LIMCH1: variants seen among roughly 807,000 people sequenced by gnomAD.
LIMCH1 encodes LIM and calponin homology domains-containing protein 1.
In LIMCH1, 113 loss-of-function variants were observed where a neutral mutation model predicts 176.5. The observed-to-expected ratio is 0.64, with a 90% CI of 0.55 to 0.75. The LOEUF (loss-of-function observed/expected upper bound fraction) is 0.75, where lower values mean the gene tolerates loss of function less well. Among genes scored for constraint, LIMCH1 ranks in the 30% least tolerant of loss-of-function variants. LIMCH1 has a pLI of 0.00. For synonymous variants in LIMCH1, 619 were observed against 645.9 expected, an observed-to-expected ratio of 0.96 and a Z score of 0.63; for missense variants, 1,674 against 1,814.9, an observed-to-expected ratio of 0.92 and a Z score of 1.41.
chr4:41,634,958 T>C (rs1421216712), intron 13 of LIMCH1, among the ~76,000 whole-genome samples: 3 of 152,148 alleles, frequency 2.0e-5, no homozygotes, highest in East Asian at 1.9e-4. Context: ...TAAAGCAAGT[T>C]AGAATGAAAG....
chr4:41,469,665 G>GATAGATTTATTTATTTATTT (rs1554061022), intron 1 of LIMCH1, among the ~76,000 whole-genome samples: 1 of 148,248 alleles, frequency 6.7e-6, no homozygotes, highest in African/African-American at 2.5e-5. Flanking sequence ...CTTGTTTTGA[G>GATAGATTTATTTATTTATTT]ATTTATTTAT....
At chr4:41,477,633 C>T (rs368000381) in intron 1 of LIMCH1, among the ~76,000 whole-genome samples, 43 of 152,282 alleles carry the variant, frequency 2.8e-4, no homozygotes, top group African/African-American at 1.0e-3. Flanking sequence ...ATTAGCAAAA[C>T]TGTGGCTAGA....
In LIMCH1 at chr4:41,558,989, C is replaced by A. The variant is rs1305259230; in HGVS notation, c.-241+20639C>A. Among the ~76,000 whole-genome samples, 4 of 152,104 alleles carry A rather than the reference C, an allele frequency of 2.6e-5. No individual in the cohort carries two copies. The East Asian group carries it at 7.7e-4, about 29-fold the overall frequency. Reference sequence around the variant, plus strand: ...GAAATTTAGCTTTGAGAAACACCTACAGATTTTTGTTTGGTTTTGTATTAT... The same window carrying A: ...GAAATTTAGCTTTGAGAAACACCTAAAGATTTTTGTTTGGTTTTGTATTAT... On this transcript the variant is annotated intron_variant, in intron 1 of 31. Coordinates refer to ENST00000503057, the MANE Select transcript of LIMCH1 (RefSeq NM_001330672.2).
At chr4:41,455,048 A>G (rs1177665798) in intron 1 of LIMCH1, among the ~76,000 whole-genome samples, 1 of 152,084 alleles carries the variant, frequency 6.6e-6, no homozygotes, top group Non-Finnish European at 1.5e-5. Flanking sequence ...CATGAATACC[A>G]TAGATACAGT....
At chr4:41,433,375 GA>G (rs1385610946) in intron 1 of LIMCH1, among the ~76,000 whole-genome samples, 2 of 152,138 alleles carry the variant, frequency 1.3e-5, no homozygotes, top group African/African-American at 4.8e-5. Context: ...TGCTGTATAA[GA>G]AATGACTCCA....
At chr4:41,417,010 T>C (rs978948312) in intron 1 of LIMCH1, among the ~76,000 whole-genome samples, 2 of 152,222 alleles carry the variant, frequency 1.3e-5, no homozygotes, top group African/African-American at 4.8e-5. Flanking sequence ...TGGTCATTTC[T>C]AAGACTTTTT....
intron 1 of LIMCH1, among the ~76,000 whole-genome samples, chr4:41,440,608 C>G (rs2062596670): frequency 6.6e-6 from 1 of 152,198 alleles, no homozygotes; most frequent in Non-Finnish European, 1.5e-5. Flanking sequence ...TCTTGGCTTA[C>G]TGCAACCTCC....
intron 1 of LIMCH1, among the ~76,000 whole-genome samples, chr4:41,574,452 A>C (rs2084116683): frequency 6.6e-6 from 1 of 151,488 alleles, no homozygotes; most frequent in East Asian, 1.9e-4. Flanking sequence ...ACACCTGGCT[A>C]ATTTTTTTGT....
intron 1 of LIMCH1, among the ~76,000 whole-genome samples, chr4:41,469,334 A>G (rs936250450): frequency 7.2e-5 from 11 of 152,192 alleles, no homozygotes; most frequent in Non-Finnish European, 1.5e-4. Context: ...CAGAAATCAT[A>G]CTATGCTGGT....
At chr4:41,402,903 C>T (rs1431297380) in intron 1 of LIMCH1, among the ~76,000 whole-genome samples, 1 of 150,870 alleles carries the variant, frequency 6.6e-6, no homozygotes, top group Non-Finnish European at 1.5e-5. Flanking sequence ...GTGCAGCACA[C>T]CAGCATGGCA....
chr4:41,639,231 G>A (rs541659524), intron 14 of LIMCH1, among the ~76,000 whole-genome samples: 4 of 152,258 alleles, frequency 2.6e-5, no homozygotes, highest in Non-Finnish European at 4.4e-5. Context: ...TGTTAAAGTC[G>A]TTGTTCTTGT....
intron 1 of LIMCH1, among the ~76,000 whole-genome samples, chr4:41,471,066 C>A (rs2066893154): frequency 7.1e-6 from 1 of 140,974 alleles, no homozygotes; most frequent in African/African-American, 2.7e-5. Flanking sequence ...GAAGACTAAT[C>A]ATGTCTAGAG....
intron 20 of LIMCH1, among the ~76,000 whole-genome samples, chr4:41,664,570 G>A (rs959403937): frequency 2.6e-5 from 4 of 152,170 alleles, no homozygotes; most frequent in Admixed American, 6.5e-5. Flanking sequence ...TGCAGGTTTC[G>A]TTTTATCAGC....
chr4:41,421,222 T>C (rs754606998), intron 1 of LIMCH1, among the ~76,000 whole-genome samples: 9 of 152,148 alleles, frequency 5.9e-5, no homozygotes, highest in Non-Finnish European at 1.2e-4. Flanking sequence ...AAAGTGGAGA[T>C]CATTGTGCCC....
chr4:41,620,242 A>G (rs2092458514), intron 6 of LIMCH1, 182 bp from the exon 7 acceptor site: 2 of 608,948 alleles, frequency 3.3e-6, no homozygotes, highest in South Asian at 2.3e-5. Context: ...TGTTGCGGGT[A>G]TGATGCATTG....
intron 8 of LIMCH1, 42 bp downstream of exon 8, chr4:41,627,052 G>T (rs769674934): frequency 1.3e-6 from 2 of 1,493,876 alleles, no homozygotes; most frequent in Non-Finnish European, 1.8e-6. Context: ...GTGTGTGTGT[G>T]TCTATGAAAG....
intron 22 of LIMCH1, among the ~76,000 whole-genome samples, chr4:41,671,827 T>C (rs1264544096): frequency 7.9e-6 from 1 of 125,810 alleles, no homozygotes; most frequent in Non-Finnish European, 1.6e-5. Flanking sequence ...GCAGGTGTGG[T>C]GGCACCGAGA....
At position 41,492,631 on chromosome 4, in the gene LIMCH1, G is replaced by GGT. The variant is rs368263877; in HGVS notation, c.97-1904_97-1903dup. Among the ~76,000 whole-genome samples the GGT allele has an allele frequency of 2.0e-3, 312 of 152,238 alleles. 2 individuals are homozygous for GGT. Among genetic ancestry groups the GGT allele is most frequent in the African/African-American group, 7.2e-3 (299 of 41,540 alleles). On this transcript the variant is annotated intron_variant, in intron 1 of 26. Coordinates refer to the LIMCH1 transcript ENST00000313860. Reference sequence around the variant, plus strand: ...CTAGAAATGTCATTTAGGTCTATTTGGTAGATAGTGTTGGTCAAGTCTTCT... The same window carrying GGT: ...CTAGAAATGTCATTTAGGTCTATTTGGTGTAGATAGTGTTGGTCAAGTCTTCT...
intron 1 of LIMCH1, among the ~76,000 whole-genome samples, chr4:41,414,326 G>A (rs912044113): frequency 2.0e-5 from 3 of 152,054 alleles, no homozygotes; most frequent in Non-Finnish European, 4.4e-5. Context: ...GACAACTCAC[G>A]TACTACTGAA....
Sources: allele counts gnomAD v4.1 joint callset (sites outside exome capture counted in the v4.1 genomes callset), GRCh38; gene constraint gnomAD v4.1.1; transcripts MANE v1.5; gene names NCBI Gene and HGNC (gene_info 2026-07-23, HGNC 2026-07-21).